Variants in PIK3C2A observed in about 807,000 individuals in gnomAD.
PIK3C2A encodes the protein phosphatidylinositol 4-phosphate 3-kinase C2 domain-containing subunit alpha.
Under a neutral mutation model 204.5 loss-of-function variants are expected in PIK3C2A, and 97 were observed. That is an observed-to-expected ratio of 0.47 (90% CI 0.40 to 0.56). PIK3C2A has a LOEUF of 0.56. PIK3C2A is among the 20% of genes least tolerant of loss of function. The pLI is 0.00. For synonymous variants in PIK3C2A, 653 were observed against 664.4 expected (o/e 0.98, Z 0.26); for missense variants, 1,735 against 1,969.2 (o/e 0.88, Z 2.25).
Position 17,112,817 on chromosome 11 carries a change from G to A in PIK3C2A, c.3322-151C>T, listed in dbSNP as rs77981814. ...TTATTTCTGTTAGAGACAGCGTCTT[G>A]CTTTGTTACCCAGGCTGGAATGCAG... On this transcript the variant is annotated intron_variant, in intron 20 of 32. Coordinates refer to ENST00000691414, the MANE Select transcript of PIK3C2A (RefSeq NM_002645.4). The A allele has an allele frequency of 1.8e-4, 71 of 399,782 alleles. 1 individual carries two copies. In the East Asian group the frequency reaches 2.5e-3, roughly 14 times the overall value. 24.8% of individuals were successfully genotyped at this position (399,782 alleles called of 1,614,324 possible). A position where few individuals can be genotyped will look rare whatever the true frequency, so the allele number is the denominator to read the frequency against.
intron 2 of PIK3C2A, among the ~76,000 whole-genome samples, chr11:17,160,987 C>T (rs577870698): frequency 5.9e-5 from 9 of 152,142 alleles, no homozygotes; most frequent in African/African-American, 1.9e-4. Context: ...GCAGTTCACA[C>T]ATGGATGGCC....
chr11:17,199,716 G>C (rs1295774152), intron 1 of PIK3C2A, among the ~76,000 whole-genome samples: 1 of 152,156 alleles, frequency 6.6e-6, no homozygotes, highest in Non-Finnish European at 1.5e-5. Context: ...GCCAAGGCAG[G>C]TGGATCAAGA....
rs61762005 is a variant in PIK3C2A at position 17,148,133 on chromosome 11, C to T, written c.1449-505G>A. On this transcript the variant is annotated intron_variant, in intron 5 of 32. Coordinates refer to ENST00000691414, the MANE Select transcript of PIK3C2A (RefSeq NM_002645.4). ...CTGAGGCAGGAGAATCGCTTGAACC[C>T]GGGAGGTGGAGGTTGTGGTGAGCCA... The T allele has an allele frequency of 5.1e-3, 782 of 152,194 alleles. 4 individuals carry two copies. The highest frequency in any genetic ancestry group is 8.0e-3 in the Non-Finnish European group (553 of 69,048). 9.4% of individuals were successfully genotyped at this position (152,194 alleles called of 1,614,324 possible). A position where few individuals can be genotyped will look rare whatever the true frequency, so the allele number is the denominator to read the frequency against.
chr11:17,106,373 C>T (rs1848817255), intron 22 of PIK3C2A, among the ~76,000 whole-genome samples: 1 of 152,088 alleles, frequency 6.6e-6, no homozygotes, highest in Admixed American at 6.6e-5. Flanking sequence ...GATGACACCA[C>T]TGCGCTCCAG....
chr11:17,192,915 T>G (rs1851990457), intron 1 of PIK3C2A, among the ~76,000 whole-genome samples: 1 of 152,268 alleles, frequency 6.6e-6, no homozygotes, highest in African/African-American at 2.4e-5. Context: ...GTGATAGTAT[T>G]AAGAGGTGGG....
chr11:17,142,371 T>C (rs925520385), intron 8 of PIK3C2A, among the ~76,000 whole-genome samples: 2 of 151,948 alleles, frequency 1.3e-5, no homozygotes, highest in Admixed American at 6.6e-5. Flanking sequence ...TGTTTGGTAG[T>C]CAGGAAGATA....
Position 17,135,002 on chromosome 11 carries a change from T to C in PIK3C2A, c.1925A>G (p.Gln642Arg), listed in dbSNP as rs1156732878. The part of the protein sequence containing the change: ...RGSLNPENPV[Q>R]VSINQLTAAI... ...TGCAGTTAATTGGTTTATGCTTACT[T>C]GAACAGGATTTTCAGGATTAAGTGA... Residue 642 changes from glutamine (Q) to arginine (R), a missense_variant, in exon 11 of 33, where the codon CAA (glutamine) becomes CGA (arginine). Physicochemically the swap from Gln to Arg is conservative, Grantham distance 43. Transcript: ENST00000691414. 6 of 1,613,894 alleles carry C rather than the reference T, an allele frequency of 3.7e-6. No individual in the cohort carries two copies. In the Admixed American group the frequency reaches 1.0e-4, roughly 27 times the overall value.
chr11:17,104,943 T>C (rs1198846598), intron 23 of PIK3C2A, among the ~76,000 whole-genome samples: 1 of 152,060 alleles, frequency 6.6e-6, no homozygotes, highest in Non-Finnish European at 1.5e-5. Flanking sequence ...CCTCTAAGTA[T>C]GTGTTTGGAA....
chr11:17,190,127 G>C (rs1180003894), intron 1 of PIK3C2A, among the ~76,000 whole-genome samples: 3 of 152,054 alleles, frequency 2.0e-5, no homozygotes, highest in African/African-American at 7.2e-5. Context: ...GCTGGGCATA[G>C]TGACGCGTGC....
chr11:17,136,701 T>TAGA (rs1360981287), intron 8 of PIK3C2A, 76 bp from the exon 9 acceptor site: 2 of 682,950 alleles, frequency 2.9e-6, no homozygotes, highest in African/African-American at 3.6e-5. Context: ...AGTCAGAAAC[T>TAGA]AGATATCTTA....
chr11:17,164,647 T>A (rs1373792033), intron 2 of PIK3C2A, among the ~76,000 whole-genome samples: 9 of 152,222 alleles, frequency 5.9e-5, no homozygotes, highest in Non-Finnish European at 1.2e-4. Flanking sequence ...TTCTGACTCA[T>A]ATCTCTCATA....
rs1851095902 is a variant in PIK3C2A at position 17,169,691 on chromosome 11, A to G, written c.51T>C (p.His17=). 6.2e-7 allele frequency: 1 copy of G among 1,609,608 alleles called. No individual in the cohort carries two copies. The change falls in exon 2 of 33, where the codon CAT becomes CAC. Residue 17 remains histidine (H), a synonymous_variant. Coordinates refer to ENST00000691414, the MANE Select transcript of PIK3C2A (RefSeq NM_002645.4). ...NSGFKECPSS[H]PEPTRAKDVD... The stretch of plus-strand genomic sequence containing the variant: ...CATCTTTTGCTCTTGTTGGTTCCGG[A>G]TGTGAAGATGGACATTCTTTAAATC...
intron 2 of PIK3C2A, among the ~76,000 whole-genome samples, chr11:17,164,299 C>A (rs1281123779): frequency 6.6e-6 from 1 of 151,136 alleles, no homozygotes; most frequent in Non-Finnish European, 1.5e-5. Context: ...CTACAGTGAG[C>A]CGTGATCGCA....
In PIK3C2A at chr11:17,147,392, G is replaced by A. The variant is rs1590962234; in HGVS notation, c.1560+125C>T. ...CTCATTTGCTAAGAAGATTCCTGTT[G>A]AGGATGAGTTCATCACCCCATTCTA... On this transcript the variant is annotated intron_variant, in intron 6 of 32. Coordinates refer to ENST00000691414, the MANE Select transcript of PIK3C2A (RefSeq NM_002645.4). 14 of 605,040 alleles carry A rather than the reference G, an allele frequency of 2.3e-5. No individual in the cohort carries two copies. The South Asian group carries it at 2.6e-4, about 11-fold the overall frequency. The allele number at this position is 605,040 out of a possible 1,614,324, so 37.5% of individuals were successfully genotyped here.
chr11:17,194,208 A>C (rs778971661), intron 1 of PIK3C2A: 14 of 417,784 alleles, frequency 3.4e-5, no homozygotes, highest in Middle Eastern at 8.2e-4. Flanking sequence ...CGGCCAAACG[A>C]CAAGGACAAG....
chr11:17,157,963 C>T (rs1296825942), intron 2 of PIK3C2A, among the ~76,000 whole-genome samples: 1 of 152,190 alleles, frequency 6.6e-6, no homozygotes, highest in African/African-American at 2.4e-5. Context: ...TGAATCATAT[C>T]CTGTTCCTAT....
In PIK3C2A at chr11:17,119,896, T is replaced by C. The variant is rs534080539; in HGVS notation, c.2736A>G (p.Ile912Met). 6 of 1,611,562 alleles carry C rather than the reference T, an allele frequency of 3.7e-6. No individual in the cohort carries two copies. The Admixed American group carries it at 5.0e-5, about 14-fold the overall frequency. Residue 912 changes from isoleucine to methionine, a missense_variant, in exon 16 of 33, where the codon ATA becomes ATG. Ile to Met is a conservative substitution (Grantham distance 10). Around this residue, in one of 6 missense-constraint regions of PIK3C2A, gnomAD observed 567 missense variants for 576.0 expected, o/e 0.98. Coordinates refer to ENST00000691414, the MANE Select transcript of PIK3C2A (RefSeq NM_002645.4). Reference protein sequence around the residue: ...CFKHPNCLPKILASAPNWKWV... With the variant: ...CFKHPNCLPKMLASAPNWKWV... ...ATTTCCAGTTTGGGGCGCTTGCTAA[T>C]ATTTTAGGAAGACAATTTGGGTGTT...
intron 1 of PIK3C2A, among the ~76,000 whole-genome samples, chr11:17,199,307 A>G (rs1396391492): frequency 6.6e-6 from 1 of 152,178 alleles, no homozygotes. Context: ...GCCACTTTGG[A>G]AAACACTTTA....
intron 1 of PIK3C2A, among the ~76,000 whole-genome samples, chr11:17,207,269 C>T (rs1393462346): frequency 6.6e-6 from 1 of 152,162 alleles, no homozygotes; most frequent in African/African-American, 2.4e-5. Flanking sequence ...TAAATACACA[C>T]TGAAAGAATA....
Sources: gnomAD v4.1 joint callset for allele counts (sites outside exome capture counted in the v4.1 genomes callset) on GRCh38, gnomAD v4.1.1 for gene constraint, gnomAD v4.1.1 regional missense constraint, MANE v1.5 for transcripts, NCBI Gene and HGNC (gene_info 2026-07-23, HGNC 2026-07-21) for gene names.